Variants in SGMS1 observed in about 807,000 individuals in gnomAD.
SGMS1 encodes the protein phosphatidylcholine:ceramide cholinephosphotransferase 1.
In SGMS1, 13 loss-of-function variants were observed where a neutral mutation model predicts 46.2. The ratio of observed to expected loss-of-function variants is 0.28; its 90% confidence interval spans 0.18 to 0.45. The LOEUF (loss-of-function observed/expected upper bound fraction) is 0.45, where lower values mean the gene tolerates loss of function less well. SGMS1 is among the 20% of genes least tolerant of loss of function. SGMS1 has a pLI of 1.00. For missense variants in SGMS1, 324 were observed against 519.9 expected, an observed-to-expected ratio of 0.62 and a Z score of 3.66; for synonymous variants, 203 against 187.8, an observed-to-expected ratio of 1.08 and a Z score of -0.66.
chr10:50,506,755 A>G (rs992144541), intron 3 of SGMS1, among the ~76,000 whole-genome samples: 5 of 152,228 alleles, frequency 3.3e-5, no homozygotes, highest in African/African-American at 9.6e-5. Flanking sequence ...AAGGCAGTGC[A>G]GCAAGCACAT....
At chr10:50,353,569 GT>G (rs1848065754) in intron 6 of SGMS1, among the ~76,000 whole-genome samples, 2 of 152,414 alleles carry the variant, frequency 1.3e-5, no homozygotes, top group African/African-American at 4.8e-5. Context: ...ATTCAACATA[GT>G]GTTGGAAGTT....
At chr10:50,524,978 C>T (rs1240414333) in intron 2 of SGMS1, among the ~76,000 whole-genome samples, 3 of 152,092 alleles carry the variant, frequency 2.0e-5, no homozygotes, top group African/African-American at 7.2e-5. Flanking sequence ...TTTACCAAGA[C>T]AGGGTGATCA....
At chr10:50,376,409 G>C (rs967834595) in intron 6 of SGMS1, among the ~76,000 whole-genome samples, 2 of 152,266 alleles carry the variant, frequency 1.3e-5, no homozygotes, top group East Asian at 1.9e-4. Flanking sequence ...TCTTTAAAGA[G>C]ATTCCCCCAG....
intron 7 of SGMS1, among the ~76,000 whole-genome samples, chr10:50,332,065 T>C (rs1311593638): frequency 1.3e-5 from 2 of 152,184 alleles, no homozygotes; most frequent in Non-Finnish European, 2.9e-5. Flanking sequence ...AACAGGTATG[T>C]CCCTTAAAGC....
chr10:50,536,944 A>G (rs1838007305), intron 2 of SGMS1, among the ~76,000 whole-genome samples: 1 of 152,182 alleles, frequency 6.6e-6, no homozygotes, highest in African/African-American at 2.4e-5. Context: ...AAATCTCTGA[A>G]TACATCACTA....
rs796392368 is a variant in SGMS1, at chr10:50,308,240, A to G, written c.896-92T>C. ...TCTACTAATGCTTCTGAATCCAATT[A>G]CCTTGAGTCTTCCCTTCTGAAAACA... On this transcript the variant is annotated intron_variant, in intron 9 of 10. Coordinates refer to ENST00000361781, the MANE Select transcript of SGMS1 (RefSeq NM_147156.4). 41 of 1,118,808 alleles carry G rather than the reference A, an allele frequency of 3.7e-5. No individual in the cohort carries two copies. In the African/African-American group the frequency reaches 5.7e-4, roughly 15 times the overall value. 69.3% of individuals were successfully genotyped at this position (1,118,808 alleles called of 1,614,324 possible).
At chr10:50,592,155 A>G (rs1838547923) in intron 1 of SGMS1, among the ~76,000 whole-genome samples, 1 of 152,210 alleles carries the variant, frequency 6.6e-6, no homozygotes, top group African/African-American at 2.4e-5. Flanking sequence ...CCCCAGGAAT[A>G]CTCACTAAGA....
chr10:50,357,172 G>A (rs1450233829), intron 6 of SGMS1, among the ~76,000 whole-genome samples: 2 of 151,520 alleles, frequency 1.3e-5, no homozygotes, highest in African/African-American at 2.4e-5. Flanking sequence ...AAAGAAATGT[G>A]CTAAATTCAA....
chr10:50,598,236 C>T (rs1838615660), intron 1 of SGMS1, among the ~76,000 whole-genome samples: 2 of 151,922 alleles, frequency 1.3e-5, no homozygotes, highest in African/African-American at 4.8e-5. Context: ...TGACTTCTCT[C>T]TCTGGATGTG....
chr10:50,318,648 T>A (rs774938160), intron 8 of SGMS1, among the ~76,000 whole-genome samples: 1 of 152,148 alleles, frequency 6.6e-6, no homozygotes, highest in African/African-American at 2.4e-5. Flanking sequence ...TAGTAATCAC[T>A]CCACTCCTGG....
intron 8 of SGMS1, among the ~76,000 whole-genome samples, chr10:50,319,444 C>T (rs1470451624): frequency 6.6e-6 from 1 of 152,146 alleles, no homozygotes; most frequent in Non-Finnish European, 1.5e-5. Flanking sequence ...ACTTAAAAAA[C>T]AGTCCATATT....
chr10:50,611,500 C>A (rs187913599), intron 1 of SGMS1, among the ~76,000 whole-genome samples: 8 of 152,322 alleles, frequency 5.3e-5, no homozygotes, highest in Admixed American at 5.2e-4. Flanking sequence ...ATCTAGAAGA[C>A]CCTGGGTGTC....
At chr10:50,408,097 T>TTAGGTCC (rs1293337595) in intron 6 of SGMS1, among the ~76,000 whole-genome samples, 2 of 152,164 alleles carry the variant, frequency 1.3e-5, no homozygotes, top group Non-Finnish European at 2.9e-5. Context: ...TTGAAATGTG[T>TTAGGTCC]TAGGTCCAAC....
chr10:50,532,079 T>C (rs1400403717), intron 2 of SGMS1, among the ~76,000 whole-genome samples: 2 of 152,198 alleles, frequency 1.3e-5, no homozygotes, highest in Admixed American at 1.3e-4. Context: ...AATTGGTTCC[T>C]GGTCAGGGTC....
rs190560179 is a variant in SGMS1, at chr10:50,548,992, A to G, written c.-588-29071T>C. On this transcript the variant is annotated intron_variant, in intron 2 of 10. Transcript: ENST00000361781. ...AGAAATGCAAATCAAAACCACAATG[A>G]GATACCAACTCATGCCAGTCAGAAT... Among the ~76,000 whole-genome samples, 38 of 152,352 alleles carry G rather than the reference A, an allele frequency of 2.5e-4. No homozygotes were observed. In the East Asian group the frequency reaches 5.6e-3, roughly 22 times the overall value.
rs372612621 is a variant in SGMS1, at chr10:50,403,650, C to T, written c.-232+29826G>A. ...ATCTCATCATGTGGCTAAATTCTGACGTTTCCAGACAAGGTTGTTCATAAG... is the reference window on the plus strand; with the variant it reads ...ATCTCATCATGTGGCTAAATTCTGATGTTTCCAGACAAGGTTGTTCATAAG... On this transcript the variant is annotated intron_variant, in intron 6 of 10. Transcript: ENST00000361781. Among the ~76,000 whole-genome samples the T allele has an allele frequency of 4.6e-5, 7 of 151,588 alleles. No individual in the cohort carries two copies. In the East Asian group the frequency reaches 5.8e-4, roughly 13 times the overall value.
intron 8 of SGMS1, among the ~76,000 whole-genome samples, chr10:50,324,601 T>A (rs1020660539): frequency 2.0e-5 from 3 of 152,248 alleles, no homozygotes; most frequent in African/African-American, 7.2e-5. Context: ...AAGCTTGATC[T>A]GCCATCCAAG....
At chr10:50,312,895 C>T (rs1039288282) in intron 8 of SGMS1, among the ~76,000 whole-genome samples, 36 of 152,194 alleles carry the variant, frequency 2.4e-4, no homozygotes, top group African/African-American at 8.4e-4. Flanking sequence ...AAGCAAACAG[C>T]CAGAATGCTC....
At chr10:50,541,771 C>T (rs1478563936) in intron 2 of SGMS1, among the ~76,000 whole-genome samples, 1 of 152,084 alleles carries the variant, frequency 6.6e-6, no homozygotes, top group Non-Finnish European at 1.5e-5. Context: ...GGTGGAGCCT[C>T]CAGAAGTTAC....
Sources: gnomAD v4.1 joint callset for allele counts (sites outside exome capture counted in the v4.1 genomes callset) on GRCh38, gnomAD v4.1.1 for gene constraint, MANE v1.5 for transcripts, NCBI Gene and HGNC (gene_info 2026-07-23, HGNC 2026-07-21) for gene names.